LHFPL6: variants seen among roughly 807,000 people sequenced by gnomAD.
LHFPL6 encodes the protein LHFPL tetraspan subfamily member 6 protein.
Under a neutral mutation model 20.6 loss-of-function variants are expected in LHFPL6, and 9 were observed. The ratio of observed to expected loss-of-function variants is 0.44; its 90% confidence interval spans 0.26 to 0.76. The LOEUF (loss-of-function observed/expected upper bound fraction) is 0.76, where lower values mean the gene tolerates loss of function less well. Ranked by LOEUF, LHFPL6 falls within the 30% of genes least tolerant of loss-of-function variation. LHFPL6 has a pLI of 0.20. For synonymous variants in LHFPL6, 105 were observed against 98.7 expected (o/e 1.06, Z -0.38); for missense variants, 218 against 253.5 (o/e 0.86, Z 0.95).
In LHFPL6 at chr13:39,553,470, G is replaced by A. The variant is rs368033783; in HGVS notation, c.385+47362C>T. Among the ~76,000 whole-genome samples the A allele has an allele frequency of 1.0e-3, 152 of 152,242 alleles. 5 individuals carry two copies. In the South Asian group the frequency reaches 0.031, roughly 31 times the overall value. ...CTCACACCTCTTATCACAATACTTGGGGAGGCGAAGATATGAGGATCCCTT... is the reference window on the plus strand; with the variant it reads ...CTCACACCTCTTATCACAATACTTGAGGAGGCGAAGATATGAGGATCCCTT... On this transcript the variant is annotated intron_variant, in intron 2 of 3. Transcript: ENST00000379589.
intron 2 of LHFPL6, among the ~76,000 whole-genome samples, chr13:39,451,605 T>C (rs925478280): frequency 3.3e-5 from 5 of 152,360 alleles, no homozygotes; most frequent in Non-Finnish European, 5.9e-5. Flanking sequence ...TAAAGTAGTA[T>C]GTTTAGAAAG....
chr13:39,591,687 G>C (rs759341497), intron 2 of LHFPL6, among the ~76,000 whole-genome samples: 1 of 152,184 alleles, frequency 6.6e-6, no homozygotes, highest in Non-Finnish European at 1.5e-5. Context: ...TTTGTTCAAA[G>C]TGCTCCCTGG....
chr13:39,576,974 A>G (rs910295981), intron 2 of LHFPL6, among the ~76,000 whole-genome samples: 4 of 152,102 alleles, frequency 2.6e-5, no homozygotes, highest in Non-Finnish European at 5.9e-5. Context: ...CTTCTTACCA[A>G]CAGAATGTGT....
At chr13:39,568,109 C>T (rs986981310) in intron 2 of LHFPL6, among the ~76,000 whole-genome samples, 3 of 152,120 alleles carry the variant, frequency 2.0e-5, no homozygotes, top group Non-Finnish European at 4.4e-5. Flanking sequence ...AGAAACCAAA[C>T]ATCATAAATT....
chr13:39,446,063 C>T (rs1863326092), intron 2 of LHFPL6, among the ~76,000 whole-genome samples: 1 of 152,086 alleles, frequency 6.6e-6, no homozygotes, highest in African/African-American at 2.4e-5. Context: ...TTTAAGATAC[C>T]TATTACTTTC....
At chr13:39,443,054 G>T (rs1036934725) in intron 2 of LHFPL6, among the ~76,000 whole-genome samples, 1 of 152,116 alleles carries the variant, frequency 6.6e-6, no homozygotes, top group African/African-American at 2.4e-5. Flanking sequence ...AATCCCCAAG[G>T]CATGGTGTCT....
chr13:39,347,274 C>T (rs1287168562), intron 3 of LHFPL6, among the ~76,000 whole-genome samples: 2 of 152,168 alleles, frequency 1.3e-5, no homozygotes, highest in African/African-American at 2.4e-5. Flanking sequence ...GAGCTTCACA[C>T]TTGTGATTCC....
In LHFPL6 at chr13:39,499,006, G is replaced by A. The variant is rs575138706; in HGVS notation, c.385+101826C>T. ...CCCCCAGGTAGCTGGGATTACAGGA[G>A]CGCACCACCACGTCCGGCTAAATTT... is the stretch of plus-strand genomic sequence containing the variant. On this transcript the variant is annotated intron_variant, in intron 2 of 3. Coordinates refer to ENST00000379589, the MANE Select transcript of LHFPL6 (RefSeq NM_005780.3). Among the ~76,000 whole-genome samples the A allele has an allele frequency of 3.9e-5, 6 of 152,260 alleles. No individual in the cohort carries two copies. In the East Asian group the frequency reaches 1.2e-3, roughly 29 times the overall value.
chr13:39,574,929 G>GGT (rs931161711), intron 2 of LHFPL6, among the ~76,000 whole-genome samples: 1 of 152,094 alleles, frequency 6.6e-6, no homozygotes, highest in Admixed American at 6.6e-5. Context: ...AAATCAGCTG[G>GGT]GTGTGGTGGT....
intron 2 of LHFPL6, among the ~76,000 whole-genome samples, chr13:39,581,532 C>CAAAA (rs71080316): frequency 1.5e-4 from 16 of 106,150 alleles, no homozygotes; most frequent in South Asian, 5.6e-4. Context: ...ATGCATGAGA[C>CAAAA]AAAAAAAAAA....
chr13:39,413,336 T>C (rs1871275608), intron 2 of LHFPL6, among the ~76,000 whole-genome samples: 1 of 152,176 alleles, frequency 6.6e-6, no homozygotes, highest in Non-Finnish European at 1.5e-5. Context: ...CATTGATATG[T>C]ACTCAGGAAA....
At chr13:39,583,441 G>A (rs1331956077) in intron 2 of LHFPL6, among the ~76,000 whole-genome samples, 4 of 152,000 alleles carry the variant, frequency 2.6e-5, no homozygotes, top group African/African-American at 9.7e-5. Context: ...TTCCAAAGTG[G>A]TAGGATTACA....
intron 2 of LHFPL6, among the ~76,000 whole-genome samples, chr13:39,583,283 C>T (rs926562989): frequency 6.6e-6 from 1 of 151,704 alleles, no homozygotes; most frequent in Non-Finnish European, 1.5e-5. Flanking sequence ...AGTGATCCTC[C>T]CCCCTCAGCC....
chr13:39,538,239 C>T (rs1015247255), intron 2 of LHFPL6, among the ~76,000 whole-genome samples: 1 of 151,648 alleles, frequency 6.6e-6, no homozygotes, highest in South Asian at 2.1e-4. Context: ...ATCTACCCAC[C>T]TTGGCATCCC....
intron 2 of LHFPL6, among the ~76,000 whole-genome samples, chr13:39,535,869 T>C (rs7992600): frequency 0.38 from 57,887 of 152,026 alleles, 11,263 homozygotes; most frequent in Admixed American, 0.47. Flanking sequence ...AGGACATAAA[T>C]GAGCATGGGG....
At chr13:39,469,429 C>T (rs931657771) in intron 2 of LHFPL6, among the ~76,000 whole-genome samples, 1 of 152,144 alleles carries the variant, frequency 6.6e-6, no homozygotes, top group African/African-American at 2.4e-5. Flanking sequence ...TGATATCTTT[C>T]TTCATGGCAT....
chr13:39,514,680 A>G (rs1869842196), intron 2 of LHFPL6, among the ~76,000 whole-genome samples: 1 of 152,200 alleles, frequency 6.6e-6, no homozygotes, highest in African/African-American at 2.4e-5. Context: ...TACATCCCCA[A>G]CCTGAGCACA....
chr13:39,448,329 G>A (rs979275379), intron 2 of LHFPL6, among the ~76,000 whole-genome samples: 4 of 152,152 alleles, frequency 2.6e-5, no homozygotes, highest in Non-Finnish European at 4.4e-5. Context: ...TATGGAACAC[G>A]ACCTGCTTCT....
At chr13:39,345,537 A>AAAAAAAAAAAAG (rs1593279014) in intron 3 of LHFPL6, among the ~76,000 whole-genome samples, 2 of 146,504 alleles carry the variant, frequency 1.4e-5, no homozygotes, top group Non-Finnish European at 3.0e-5. Context: ...AAAAAAAAAA[A>AAAAAAAAAAAAG]AAAGAAAGAA....
Sources: allele counts gnomAD v4.1 joint callset (sites outside exome capture counted in the v4.1 genomes callset), GRCh38; gene constraint gnomAD v4.1.1; transcripts MANE v1.5; gene names NCBI Gene and HGNC (gene_info 2026-07-23, HGNC 2026-07-21).